RRP1B: variants seen among roughly 807,000 people sequenced by gnomAD.
The protein encoded by RRP1B is ribosomal RNA processing 1B, also known as ribosomal RNA processing protein 1 homolog B.
In RRP1B, 56 loss-of-function variants were observed where a neutral mutation model predicts 80.2. The observed-to-expected ratio is 0.70, with a 90% CI of 0.56 to 0.87. The LOEUF is 0.87. Among genes scored for constraint, RRP1B ranks in the 40% least tolerant of loss-of-function variants. RRP1B has a pLI of 0.00. For missense variants in RRP1B, 807 were observed against 939.8 expected (o/e 0.86, Z 1.85); for synonymous variants, 351 against 357.6 (o/e 0.98, Z 0.21).
chr21:43,676,786 A>G lies in RRP1B; in HGVS notation c.668A>G (p.Gln223Arg), dbSNP rs754296694. ...ARGVFEAIVD[Q>R]SPFVPEETME... ...GGTGTCTTCGAAGCTATCGTAGATC[A>G]GTCTCCTTTTGTGCCTGAAGAGACG... Residue 223 changes from glutamine to arginine, a missense_variant, in exon 8 of 16, where the codon CAG (glutamine) becomes CGG (arginine). Gln to Arg is a conservative substitution (Grantham distance 43, BLOSUM62 1). Coordinates refer to ENST00000340648, the MANE Select transcript of RRP1B (RefSeq NM_015056.3). 27 of 1,614,262 alleles carry G rather than the reference A, an allele frequency of 1.7e-5. No homozygotes were observed. The South Asian group carries it at 2.9e-4, about 17-fold the overall frequency.
intron 1 of RRP1B, among the ~76,000 whole-genome samples, chr21:43,660,186 C>T (rs941748265): frequency 2.0e-5 from 3 of 152,146 alleles, no homozygotes; most frequent in Admixed American, 6.5e-5. Flanking sequence ...AAAATCACTA[C>T]CCTCGAGGAT....
At chr21:43,677,317 C>T (rs1212772406) in intron 8 of RRP1B, among the ~76,000 whole-genome samples, 1 of 152,218 alleles carries the variant, frequency 6.6e-6, no homozygotes, top group Non-Finnish European at 1.5e-5. Flanking sequence ...CCTTTCTCAA[C>T]TCATGGCTTC....
In RRP1B at chr21:43,691,727, C is replaced by G. The variant is rs1259109077; in HGVS notation, c.2083+225C>G. ...GATCTTGGCTCACTGCAACCTCCGC[C>G]CCCCCAGGTTCAAGCGATTCTCCTG... On this transcript the variant is annotated intron_variant, in intron 15 of 15. Transcript: ENST00000340648. The surrounding 1 kb of genome is among the most constrained non-coding windows in gnomAD (Gnocchi z 4.2). Among the ~76,000 whole-genome samples, 2 of 151,910 alleles carry G rather than the reference C, an allele frequency of 1.3e-5. No individual in the cohort carries two copies. The highest frequency in any genetic ancestry group is 6.6e-5 in the Admixed American group (1 of 15,258).
chr21:43,676,987 A>G lies in RRP1B; in HGVS notation c.796+73A>G, dbSNP rs1458568468. The G allele has an allele frequency of 2.7e-5, 39 of 1,442,198 alleles. 1 individual carries two copies. Among genetic ancestry groups the G allele is most frequent in the Middle Eastern group, 3.8e-4 (2 of 5,278 alleles). The allele number at this position is 1,442,198 out of a possible 1,614,324, so 89.3% of individuals were successfully genotyped here. On this transcript the variant is annotated intron_variant, in intron 8 of 15. Coordinates refer to ENST00000340648, the MANE Select transcript of RRP1B (RefSeq NM_015056.3). Reference sequence around the variant, plus strand: ...TCCTCAGACAAACAGTTTTTAATACATTTGTTGGCATCTTACTGAATGCAA... The same window carrying G: ...TCCTCAGACAAACAGTTTTTAATACGTTTGTTGGCATCTTACTGAATGCAA...
At chr21:43,670,368 T>C (rs778753827) in intron 2 of RRP1B, among the ~76,000 whole-genome samples, 5 of 152,222 alleles carry the variant, frequency 3.3e-5, no homozygotes, top group African/African-American at 4.8e-5. Context: ...TCGGGTTCCA[T>C]GGAGAGCAGC....
chr21:43,685,680 C>G, intron 10 of RRP1B, 90 bp from the exon 11 acceptor site: 2 of 959,560 alleles, frequency 2.1e-6, no homozygotes, highest in Non-Finnish European at 2.9e-6. Flanking sequence ...TTTTAAAAAT[C>G]AAATACATAT....
At position 43,659,644 on chromosome 21, in the gene RRP1B, G is replaced by A. The variant is rs746118067; in HGVS notation, c.-21G>A. The stretch of plus-strand genomic sequence containing the variant: ...CAGCGGCACCGCGGGTTGCGCGGCC[G>A]GGGATGCTCCAGCGGGCGCGATGGC... On this transcript the variant is annotated 5_prime_UTR_variant, in exon 1 of 16. Coordinates refer to ENST00000340648, the MANE Select transcript of RRP1B (RefSeq NM_015056.3). This position sits in a 1 kb window ranked among gnomAD's most constrained non-coding sequence, Gnocchi z 4.2. 9 of 1,481,544 alleles carry A rather than the reference G, an allele frequency of 6.1e-6. No homozygotes were observed. The South Asian group carries it at 1.0e-4, about 17-fold the overall frequency. 91.8% of individuals were successfully genotyped at this position (1,481,544 alleles called of 1,614,324 possible). A position where few individuals can be genotyped will look rare whatever the true frequency, so the allele number is the denominator to read the frequency against.
At chr21:43,680,926 G>GA (rs1317643763) in intron 8 of RRP1B, among the ~76,000 whole-genome samples, 2 of 151,778 alleles carry the variant, frequency 1.3e-5, no homozygotes, top group African/African-American at 4.8e-5. Flanking sequence ...TTCCTACAGT[G>GA]ATTATATATT....
chr21:43,686,764 G>A (rs1205182473), intron 11 of RRP1B, 40 bp from the exon 12 acceptor site: 2 of 1,611,504 alleles, frequency 1.2e-6, no homozygotes, highest in Non-Finnish European at 1.7e-6. Flanking sequence ...AGAGTCTTGA[G>A]CGCCTGGGGA....
At chr21:43,685,738 T>C in intron 10 of RRP1B, 32 bp from the exon 11 acceptor site, 3 of 1,395,738 alleles carry the variant, frequency 2.1e-6, no homozygotes, top group Non-Finnish European at 2.9e-6. Flanking sequence ...TGTTATTTTT[T>C]TATTTTTTAT....
At chr21:43,681,114 G>A (rs2083041505) in intron 8 of RRP1B, among the ~76,000 whole-genome samples, 1 of 151,914 alleles carries the variant, frequency 6.6e-6, no homozygotes, top group Non-Finnish European at 1.5e-5. Flanking sequence ...GGTGGCGGTC[G>A]CCTATAGTCC....
At chr21:43,686,415 C>G (rs1472617091) in intron 11 of RRP1B, 4 of 178,948 alleles carry the variant, frequency 2.2e-5, no homozygotes, top group Admixed American at 1.7e-4. Flanking sequence ...TCAATGGTCC[C>G]CCCGGGAAAG....
intron 5 of RRP1B, 25 bp from the exon 6 acceptor site, chr21:43,675,009 C>T: frequency 6.2e-7 from 1 of 1,612,934 alleles, no homozygotes; most frequent in South Asian, 1.1e-5. Context: ...CTGTCATTCA[C>T]AGAAGCATGC....
At chr21:43,667,944 A>G (rs1186989262) in intron 1 of RRP1B, among the ~76,000 whole-genome samples, 2 of 152,224 alleles carry the variant, frequency 1.3e-5, no homozygotes, top group Non-Finnish European at 2.9e-5. Context: ...GTGGTGGCTC[A>G]TGCCAGTATT....
chr21:43,683,491 C>A, intron 9 of RRP1B, 118 bp downstream of exon 9: 2 of 668,252 alleles, frequency 3.0e-6, no homozygotes, highest in East Asian at 5.5e-5. Context: ...CCTTTTTAAT[C>A]CCTTCAGTCA....
chr21:43,660,977 G>T (rs977423387), intron 1 of RRP1B, among the ~76,000 whole-genome samples: 3 of 152,134 alleles, frequency 2.0e-5, no homozygotes, highest in African/African-American at 2.4e-5. Context: ...GTTTTATTTA[G>T]TTACTGATGG....
chr21:43,688,059 C>T lies in RRP1B; in HGVS notation c.1685C>T (p.Thr562Ile), dbSNP rs746929325. Residue 562 changes from threonine to isoleucine, a missense_variant, in exon 13 of 16, where the codon ACC becomes ATC. Physicochemically the swap from Thr to Ile is moderately conservative, Grantham distance 89. Transcript: ENST00000340648. ...CCCGCAGAGGGGGCGAACAGCCACA[C>T]CACGCTGCCCCAGCGCAGGAGGCTG... is the stretch of plus-strand genomic sequence containing the variant. ...TGPAEGANSH[T>I]TLPQRRRLQK... 2 of 1,612,504 alleles carry T rather than the reference C, an allele frequency of 1.2e-6. No individual in the cohort carries two copies. Among genetic ancestry groups the T allele is most frequent in the Non-Finnish European group, 1.7e-6 (2 of 1,179,568 alleles).
At chr21:43,687,406 TG>T in intron 12 of RRP1B, 109 bp from the exon 13 acceptor site, 1 of 1,261,082 alleles carries the variant, frequency 7.9e-7, no homozygotes, top group Non-Finnish European at 1.1e-6. Context: ...ACTTTCCTCG[TG>T]GTAGAATGTC....
At chr21:43,674,586 CTTTTTT>C (rs33994751) in intron 4 of RRP1B, 44 bp from the exon 5 acceptor site, 135 of 392,628 alleles carry the variant, frequency 3.4e-4, no homozygotes, top group East Asian at 3.2e-3. Context: ...CTTACCTTTC[CTTTTTT>C]TTTTTTTTTT....
Sources: gnomAD v4.1 joint callset for allele counts (sites outside exome capture counted in the v4.1 genomes callset) on GRCh38, gnomAD v4.1.1 for gene constraint, Gnocchi (gnomAD v3.1) non-coding constraint, MANE v1.5 for transcripts, NCBI Gene and HGNC (gene_info 2026-07-23, HGNC 2026-07-21) for gene names.